Variants in NOTCH2NLA observed in about 807,000 individuals in gnomAD.
The protein encoded by NOTCH2NLA is notch homolog 2 N-terminal-like protein A.
chr1:146,173,035 T>G (rs200508138), intron 2 of NOTCH2NLA, among the ~76,000 whole-genome samples: 13,220 of 141,100 alleles, frequency 0.094, 225 homozygotes, highest in African/African-American at 0.23. Flanking sequence ...AGAATTATCC[T>G]TCACACCCCA....
At chr1:146,157,476 C>T (rs1661220119) in intron 3 of NOTCH2NLA, among the ~76,000 whole-genome samples, 1 of 135,754 alleles carries the variant, frequency 7.4e-6, no homozygotes, top group Non-Finnish European at 1.6e-5. Flanking sequence ...AAAAAATCAA[C>T]TTCCCTTCTG....
downstream of NOTCH2NLA, chr1:146,153,946 G>A (rs1553801930): frequency 7.2e-6 from 1 of 137,996 alleles, no homozygotes; most frequent in Non-Finnish European, 1.5e-5. Flanking sequence ...TTTAGATTAT[G>A]GGACCCTGAA....
chr1:146,157,473 C>A (rs1661219877), intron 3 of NOTCH2NLA, among the ~76,000 whole-genome samples: 1 of 135,974 alleles, frequency 7.4e-6, no homozygotes, highest in Non-Finnish European at 1.6e-5. Flanking sequence ...AAAAAAAAAT[C>A]AACTTCCCTT....
intron 2 of NOTCH2NLA, among the ~76,000 whole-genome samples, chr1:146,174,409 T>G (rs1662153060): frequency 6.9e-6 from 1 of 144,626 alleles, no homozygotes; most frequent in Non-Finnish European, 1.5e-5. Context: ...GCTTTTTTTT[T>G]TTTTTTTTTT....
intron 3 of NOTCH2NLA, among the ~76,000 whole-genome samples, chr1:146,158,042 GAGAA>G (rs2102268147): frequency 6.9e-6 from 1 of 145,052 alleles, no homozygotes; most frequent in African/African-American, 2.5e-5. Context: ...GAGGCAGAAA[GAGAA>G]AGAGAAAAAA....
chr1:146,158,320 A>C, intron 3 of NOTCH2NLA, among the ~76,000 whole-genome samples: 1 of 139,034 alleles, frequency 7.2e-6, no homozygotes, highest in Non-Finnish European at 1.6e-5. Flanking sequence ...CCCCCGTCCC[A>C]CCACCCCACG....
chr1:146,161,919 G>A (rs1313947695), intron 3 of NOTCH2NLA, among the ~76,000 whole-genome samples: 2 of 97,976 alleles, frequency 2.0e-5, no homozygotes, highest in Non-Finnish European at 3.9e-5. Context: ...CAATCCAGGC[G>A]GGACTACAAA....
intron 1 of NOTCH2NLA, among the ~76,000 whole-genome samples, chr1:146,204,087 G>GTATT (rs1663501377): frequency 7.0e-6 from 1 of 142,028 alleles, no homozygotes; most frequent in African/African-American, 2.6e-5. Flanking sequence ...AAAATTCAGG[G>GTATT]TATTTGGTGA....
At chr1:146,225,911 TA>T (rs1664212991) in intron 1 of NOTCH2NLA, 1 of 71,296 alleles carries the variant, frequency 1.4e-5, no homozygotes, top group Non-Finnish European at 2.7e-5. Flanking sequence ...GTGGGTGTGA[TA>T]TTTTTAAAAT....
intron 3 of NOTCH2NLA, among the ~76,000 whole-genome samples, chr1:146,159,503 G>T (rs1450628781): frequency 1.9e-4 from 29 of 151,248 alleles, no homozygotes; most frequent in African/African-American, 6.3e-4. Flanking sequence ...CCTGAATTTG[G>T]TTTCCATATA....
intron 2 of NOTCH2NLA, among the ~76,000 whole-genome samples, chr1:146,182,715 G>A (rs1437405385): frequency 3.7e-5 from 5 of 134,446 alleles, no homozygotes; most frequent in Admixed American, 7.8e-5. Context: ...GTGTGGTGGC[G>A]GGCGCTTGTA....
intron 1 of NOTCH2NLA, among the ~76,000 whole-genome samples, chr1:146,198,782 T>C (rs1400711017): frequency 4.2e-5 from 4 of 95,330 alleles, no homozygotes; most frequent in African/African-American, 1.4e-4. Flanking sequence ...GTAAACTCCC[T>C]TTTTAAAGCT....
chr1:146,185,952 G>A (rs1470819312), intron 2 of NOTCH2NLA, among the ~76,000 whole-genome samples: 3 of 135,294 alleles, frequency 2.2e-5, no homozygotes, highest in South Asian at 2.3e-4. Context: ...AAAAGGTAAG[G>A]TTGGTGAAAA....
At chr1:146,229,017 G>A (rs1336900591) in exon 1 of NOTCH2NLA, 19 of 1,335,884 alleles carry the variant, frequency 1.4e-5, no homozygotes, top group African/African-American at 1.6e-5. Context: ...AACTTTCTCG[G>A]GTGTGCAGCG....
downstream of NOTCH2NLA, chr1:146,154,026 C>CAA (rs1415169202): frequency 1.0e-5 from 1 of 96,980 alleles, no homozygotes; most frequent in Non-Finnish European, 2.4e-5. Context: ...CACACACACA[C>CAA]ACACACACAC....
At chr1:146,223,935 T>G (rs1553819051) in intron 1 of NOTCH2NLA, among the ~76,000 whole-genome samples, 1 of 136,886 alleles carries the variant, frequency 7.3e-6, no homozygotes, top group African/African-American at 2.7e-5. Context: ...TTGGGGCACA[T>G]GCCAGACAAG....
At chr1:146,158,147 T>C (rs1425020203) in intron 3 of NOTCH2NLA, among the ~76,000 whole-genome samples, 1 of 152,034 alleles carries the variant, frequency 6.6e-6, no homozygotes, top group Non-Finnish European at 1.5e-5. Flanking sequence ...ACTACAGAGA[T>C]AAGAACTCCT....
rs1396339524 is a variant in NOTCH2NLA, at chr1:146,185,340, A to G, written c.38+3960T>C. 2.1e-3 allele frequency among the ~76,000 whole-genome samples: 279 copies of G among 135,714 alleles called. 15 individuals are homozygous for G. Among genetic ancestry groups the G allele is most frequent in the African/African-American group, 6.5e-3 (263 of 40,284 alleles). 89.0% of individuals were successfully genotyped at this position (135,714 alleles called of 152,430 possible). A position where few individuals can be genotyped will look rare whatever the true frequency, so the allele number is the denominator to read the frequency against. On this transcript the variant is annotated intron_variant, in intron 2 of 4. Coordinates refer to ENST00000362074, the Ensembl canonical transcript of NOTCH2NLA. ...TTAATGACATCAAATTTAATTACATATTTACACCTCCCAGTAGGACAAGGG... is the reference window on the plus strand; with the variant it reads ...TTAATGACATCAAATTTAATTACATGTTTACACCTCCCAGTAGGACAAGGG...
At chr1:146,224,137 TA>T (rs1664145000) in intron 1 of NOTCH2NLA, among the ~76,000 whole-genome samples, 1 of 70,844 alleles carries the variant, frequency 1.4e-5, no homozygotes, top group Non-Finnish European at 2.8e-5. Context: ...TATACTTTAC[TA>T]AATGTACATA....
Sources: allele counts gnomAD v4.1 joint callset (sites outside exome capture counted in the v4.1 genomes callset), GRCh38; gene constraint gnomAD v4.1.1; transcripts MANE v1.5; gene names NCBI Gene and HGNC (gene_info 2026-07-23, HGNC 2026-07-21).